Variants in KCNN3 observed in about 807,000 individuals in gnomAD.
The protein encoded by KCNN3 is potassium calcium-activated channel subfamily N member 3.
A neutral mutation model predicts 62.9 loss-of-function variants in KCNN3; 16 were observed. The observed-to-expected ratio is 0.25, with a 90% CI of 0.17 to 0.39. The LOEUF is 0.39. Among genes scored for constraint, KCNN3 ranks in the 10% least tolerant of loss-of-function variants. KCNN3 has a pLI of 1.00. For missense variants in KCNN3, 599 were observed against 949.4 expected (o/e 0.63, Z 4.85); for synonymous variants, 370 against 389.2 (o/e 0.95, Z 0.58).
intron 5 of KCNN3, among the ~76,000 whole-genome samples, chr1:154,716,539 T>C (rs1700236557): frequency 6.6e-6 from 1 of 152,276 alleles, no homozygotes; most frequent in South Asian, 2.1e-4. Context: ...TGTGTGTGTA[T>C]GTTTTAAAAA....
rs536513932 is a variant in KCNN3 at position 154,812,265 on chromosome 1, CT to C, written c.1029+9823del. Among the ~76,000 whole-genome samples the C allele has an allele frequency of 2.0e-3, 301 of 150,998 alleles. 1 individual carries two copies. The highest frequency in any genetic ancestry group is 0.013 in the South Asian group (64 of 4,766). ...GAGAAACAGAATATTCTTTTTTTTT[CT>C]TTTTTTTTATACTTTAAGTTTTAGG... On this transcript the variant is annotated intron_variant, in intron 2 of 7. Transcript: ENST00000271915.
chr1:154,728,185 A>T (rs1282415328), intron 4 of KCNN3, among the ~76,000 whole-genome samples: 1 of 152,146 alleles, frequency 6.6e-6, no homozygotes, highest in Admixed American at 6.5e-5. Context: ...GGCTGATTGC[A>T]GGGGGGGCTT....
intron 1 of KCNN3, among the ~76,000 whole-genome samples, chr1:154,853,148 C>T (rs1571340039): frequency 2.0e-5 from 3 of 151,604 alleles, no homozygotes; most frequent in African/African-American, 7.3e-5. Flanking sequence ...CACCAATGTA[C>T]TCAGCTTTTT....
intron 1 of KCNN3, among the ~76,000 whole-genome samples, chr1:154,829,111 C>T (rs1651275849): frequency 6.6e-6 from 1 of 152,268 alleles, no homozygotes; most frequent in African/African-American, 2.4e-5. Flanking sequence ...ATCGCCCCGT[C>T]ACCTTGACAT....
chr1:154,718,396 A>G (rs957073409), intron 5 of KCNN3, among the ~76,000 whole-genome samples: 2 of 152,240 alleles, frequency 1.3e-5, no homozygotes, highest in Non-Finnish European at 2.9e-5. Flanking sequence ...CTTGCAAATT[A>G]TGGTGACAGC....
intron 2 of KCNN3, among the ~76,000 whole-genome samples, chr1:154,792,871 T>C (rs1433469753): frequency 6.6e-6 from 1 of 152,188 alleles, no homozygotes; most frequent in African/African-American, 2.4e-5. Context: ...ATTTTTTTTC[T>C]ATCCCTGAAG....
intron 5 of KCNN3, among the ~76,000 whole-genome samples, chr1:154,722,808 T>C (rs972873939): frequency 1.3e-5 from 2 of 151,302 alleles, no homozygotes; most frequent in African/African-American, 4.9e-5. Flanking sequence ...CTCGGCTCAC[T>C]GTAAACTCTG....
At chr1:154,846,320 T>C (rs1449159601) in intron 1 of KCNN3, among the ~76,000 whole-genome samples, 3 of 152,188 alleles carry the variant, frequency 2.0e-5, no homozygotes, top group African/African-American at 4.8e-5. Context: ...CAATCATCAA[T>C]GGGCTTATTC....
At chr1:154,715,085 C>G (rs1700203844) in intron 5 of KCNN3, 82 bp from the exon 6 acceptor site, 2 of 1,507,946 alleles carry the variant, frequency 1.3e-6, no homozygotes, top group Middle Eastern at 1.8e-4. Context: ...TAGTCTACCT[C>G]ATAAGGAAAC....
Position 154,869,421 on chromosome 1 carries a change from C to A in KCNN3, c.544G>T (p.Gly182Cys), listed in dbSNP as rs1319927570. The A allele has an allele frequency of 6.2e-7, 1 of 1,614,000 alleles. No homozygotes were observed. The highest frequency in any genetic ancestry group is 8.5e-7 in the Non-Finnish European group (1 of 1,179,950). ...CGGCTGAGGGGCTTCATGACCCCAC[C>A]GCTATACTTGCAGGAGCTCATGGCG... ...EIAMSSCKYSGGVMKPLSRLS... is the reference protein window; with the variant it reads ...EIAMSSCKYSCGVMKPLSRLS... The change falls in exon 1 of 8, where the codon GGT becomes TGT. Residue 182 changes from glycine (G) to cysteine (C), a missense_variant. Gly to Cys is a radical substitution (Grantham distance 159, BLOSUM62 -3). Around this residue, in one of 7 missense-constraint regions of KCNN3, gnomAD observed 112 missense variants for 142.9 expected, o/e 0.78. Transcript: ENST00000271915. The surrounding 1 kb of genome is among the most constrained non-coding windows in gnomAD (Gnocchi z 6.1).
chr1:154,711,001 C>T (rs1700062287), intron 7 of KCNN3, among the ~76,000 whole-genome samples: 1 of 152,036 alleles, frequency 6.6e-6, no homozygotes, highest in African/African-American at 2.4e-5. Context: ...GGGTATATAC[C>T]CAGAGGATTA....
intron 2 of KCNN3, among the ~76,000 whole-genome samples, chr1:154,788,378 C>T (rs1044729383): frequency 2.0e-5 from 3 of 152,196 alleles, no homozygotes; most frequent in Admixed American, 6.5e-5. Context: ...ATTCATCAGG[C>T]TCATTAGCAT....
chr1:154,729,890 T>C (rs1024865208), intron 4 of KCNN3, among the ~76,000 whole-genome samples: 2 of 152,218 alleles, frequency 1.3e-5, no homozygotes, highest in African/African-American at 2.4e-5. Context: ...CATGAGGCCA[T>C]TGGGGAAAAG....
At chr1:154,740,906 G>T (rs1700810832) in intron 3 of KCNN3, among the ~76,000 whole-genome samples, 3 of 152,004 alleles carry the variant, frequency 2.0e-5, no homozygotes, top group Admixed American at 2.0e-4. Flanking sequence ...TTTGTGTGTT[G>T]CAAATATCTT....
chr1:154,801,117 G>A (rs1649934212), intron 2 of KCNN3, among the ~76,000 whole-genome samples: 2 of 110,786 alleles, frequency 1.8e-5, no homozygotes, highest in Non-Finnish European at 4.1e-5. Context: ...AGGATTCTGG[G>A]GGAGATGAGG....
rs559147117 is a variant in KCNN3, at chr1:154,862,378, G to A, written c.933+6654C>T. On this transcript the variant is annotated intron_variant, in intron 1 of 7. Coordinates refer to ENST00000271915, the MANE Select transcript of KCNN3 (RefSeq NM_002249.6). This position sits in a 1 kb window ranked among gnomAD's most constrained non-coding sequence, Gnocchi z 4.1. ...TGCTGAGCTCATGTGACTGTCCCCC[G>A]ATAAACAGCCACACAGCCAGTGCTG... 4.6e-5 allele frequency among the ~76,000 whole-genome samples: 7 copies of A among 152,120 alleles called. No homozygotes were observed. Among genetic ancestry groups the A allele is most frequent in the South Asian group, 2.1e-4 (1 of 4,820 alleles).
intron 2 of KCNN3, among the ~76,000 whole-genome samples, chr1:154,776,956 GT>G (rs951992892): frequency 6.6e-6 from 1 of 152,210 alleles, no homozygotes; most frequent in Non-Finnish European, 1.5e-5. Flanking sequence ...ACCAGTCACA[GT>G]TGGAGCTCCA....
intron 1 of KCNN3, among the ~76,000 whole-genome samples, chr1:154,831,073 T>G (rs1186115657): frequency 6.6e-6 from 1 of 152,170 alleles, no homozygotes. Flanking sequence ...CAATCAAACT[T>G]TTTATTACAT....
At chr1:154,835,168 T>C (rs771347262) in intron 1 of KCNN3, among the ~76,000 whole-genome samples, 12 of 152,152 alleles carry the variant, frequency 7.9e-5, no homozygotes, top group Non-Finnish European at 1.6e-4. Flanking sequence ...GTGAAAATAC[T>C]CTCCCAGTCG....
Sources: gnomAD v4.1 joint callset for allele counts (sites outside exome capture counted in the v4.1 genomes callset) on GRCh38, gnomAD v4.1.1 for gene constraint, gnomAD v4.1.1 regional missense constraint, Gnocchi (gnomAD v3.1) non-coding constraint, MANE v1.5 for transcripts, NCBI Gene and HGNC (gene_info 2026-07-23, HGNC 2026-07-21) for gene names.